Variants in PWWP2A observed in about 807,000 individuals in gnomAD.
PWWP2A encodes the protein PWWP domain-containing protein 2A.
A neutral mutation model predicts 48.5 loss-of-function variants in PWWP2A; 18 were observed. That is an observed-to-expected ratio of 0.37 (90% CI 0.26 to 0.55). The LOEUF (loss-of-function observed/expected upper bound fraction) is 0.55, where lower values mean the gene tolerates loss of function less well. Among genes scored for constraint, PWWP2A ranks in the 20% least tolerant of loss-of-function variants. The probability of loss-of-function intolerance (pLI) is 0.81; values close to 1 mark genes in which losing one functional copy is unlikely to be tolerated. For synonymous variants in PWWP2A, 396 were observed against 387.7 expected, an observed-to-expected ratio of 1.02 and a Z score of -0.25; for missense variants, 867 against 976.4, an observed-to-expected ratio of 0.89 and a Z score of 1.49.
chr5:160,095,416 A>G (rs917393665), intron 1 of PWWP2A, among the ~76,000 whole-genome samples: 17 of 152,186 alleles, frequency 1.1e-4, no homozygotes, highest in Admixed American at 2.6e-4. Flanking sequence ...TGCTATACTA[A>G]GTTTTCTTCA....
Position 160,115,137 on chromosome 5 carries a change from C to A in PWWP2A, c.584+3668G>T, listed in dbSNP as rs1381797917. Among the ~76,000 whole-genome samples, 253 of 88,392 alleles carry A rather than the reference C, an allele frequency of 2.9e-3. 3 individuals are homozygous for A. The highest frequency in any genetic ancestry group is 0.012 in the African/African-American group (206 of 17,542). 58.0% of individuals were successfully genotyped at this position (88,392 alleles called of 152,430 possible). A position where few individuals can be genotyped will look rare whatever the true frequency, so the allele number is the denominator to read the frequency against. On this transcript the variant is annotated intron_variant, in intron 1 of 1. Transcript: ENST00000307063. ...CCTGGGTAACAGAGGGAGACTCTGT[C>A]AAAAAAAAAAAAAAAAAAAAAAAAA...
intron 2 of PWWP2A, among the ~76,000 whole-genome samples, chr5:160,068,700 C>T (rs1296983919): frequency 6.6e-6 from 1 of 152,136 alleles, no homozygotes; most frequent in Non-Finnish European, 1.5e-5. Flanking sequence ...CTGAGTAGAC[C>T]ATGAGCTCAT....
chr5:160,045,107 A>T, the PWWP2A span, among the ~76,000 whole-genome samples: 5 of 152,150 alleles, frequency 3.3e-5, no homozygotes, highest in African/African-American at 7.2e-5. Context: ...TTAAATTAGG[A>T]ACAAGCTGCT....
the PWWP2A span, among the ~76,000 whole-genome samples, chr5:160,050,096 C>T: frequency 1.3e-5 from 2 of 151,956 alleles, no homozygotes; most frequent in Admixed American, 1.3e-4. Flanking sequence ...CTGCAGTGAG[C>T]TGTGACTACA....
intron 1 of PWWP2A, among the ~76,000 whole-genome samples, chr5:160,100,267 C>T (rs1478968304): frequency 6.6e-6 from 1 of 151,996 alleles, no homozygotes; most frequent in East Asian, 1.9e-4. Flanking sequence ...CGCACCACTG[C>T]ACGCACTCCA....
chr5:160,084,793 C>G (rs944998046), intron 2 of PWWP2A, among the ~76,000 whole-genome samples: 1 of 151,958 alleles, frequency 6.6e-6, no homozygotes. Context: ...ATATATACTC[C>G]TAAGTATCCA....
chr5:160,109,168 G>A (rs1370472699), intron 1 of PWWP2A, among the ~76,000 whole-genome samples: 1 of 152,054 alleles, frequency 6.6e-6, no homozygotes, highest in Non-Finnish European at 1.5e-5. Flanking sequence ...ATTTTTAGTA[G>A]AGATGGGGTT....
chr5:160,099,828 G>A (rs763782692), intron 1 of PWWP2A, among the ~76,000 whole-genome samples: 7 of 151,916 alleles, frequency 4.6e-5, no homozygotes, highest in African/African-American at 1.2e-4. Context: ...ACCACGCCCC[G>A]CTAATTTTTG....
downstream of PWWP2A, among the ~76,000 whole-genome samples, chr5:160,088,934 G>C (rs1452574762): frequency 1.3e-5 from 2 of 152,166 alleles, no homozygotes; most frequent in African/African-American, 4.8e-5. Context: ...AAATAGGAGT[G>C]TAACTCAATT....
At chr5:160,062,825 C>T (rs1484743437) in intron 5 of PWWP2A, among the ~76,000 whole-genome samples, 2 of 151,936 alleles carry the variant, frequency 1.3e-5, no homozygotes, top group Non-Finnish European at 2.9e-5. Context: ...TTTCCCCCTT[C>T]CTGTCCTCTT....
chr5:160,094,819 G>A (rs1288320665), intron 1 of PWWP2A, among the ~76,000 whole-genome samples: 1 of 151,844 alleles, frequency 6.6e-6, no homozygotes, highest in Non-Finnish European at 1.5e-5. Flanking sequence ...AGGCCGAGGT[G>A]GGCAGATCAC....
chr5:160,070,478 G>GA (rs1450620650), intron 2 of PWWP2A, among the ~76,000 whole-genome samples: 4 of 148,954 alleles, frequency 2.7e-5, no homozygotes, highest in African/African-American at 9.8e-5. Context: ...GTCTCTGAAA[G>GA]AAAAAAACAA....
chr5:160,088,674 AG>A (rs548801628), downstream of PWWP2A, among the ~76,000 whole-genome samples: 2 of 152,222 alleles, frequency 1.3e-5, no homozygotes, highest in Non-Finnish European at 2.9e-5. Flanking sequence ...TCCCTATTGG[AG>A]GCCATCACTA....
chr5:160,099,727 G>C (rs903962124), intron 1 of PWWP2A, among the ~76,000 whole-genome samples: 2 of 149,678 alleles, frequency 1.3e-5, no homozygotes, highest in African/African-American at 4.9e-5. Flanking sequence ...GCCCAGGCTA[G>C]AGCGCAGTGG....
At chr5:160,065,301 C>A in intron 4 of PWWP2A, 1 of 660,374 alleles carries the variant, frequency 1.5e-6, no homozygotes, top group Non-Finnish European at 2.7e-6. Flanking sequence ...GCTGGTGTCC[C>A]CGATTCTGGC....
intron 1 of PWWP2A, among the ~76,000 whole-genome samples, chr5:160,101,035 TA>T (rs1756225853): frequency 6.6e-6 from 1 of 152,104 alleles, no homozygotes; most frequent in Non-Finnish European, 1.5e-5. Flanking sequence ...TTATACAAAA[TA>T]ATAGTTTCAG....
intron 2 of PWWP2A, chr5:160,080,836 C>A: frequency 1.4e-6 from 2 of 1,415,570 alleles, no homozygotes; most frequent in South Asian, 1.4e-5. Flanking sequence ...TCCATTTTAC[C>A]AAAAAAATAG....
At chr5:160,051,021 A>G in the PWWP2A span, 8 of 824,392 alleles carry the variant, frequency 9.7e-6, no homozygotes, top group Non-Finnish European at 1.1e-5. Flanking sequence ...ACTTAACTTG[A>G]TCTTATTTCC....
chr5:160,083,914 A>G (rs1754426199), intron 2 of PWWP2A, among the ~76,000 whole-genome samples: 1 of 152,224 alleles, frequency 6.6e-6, no homozygotes. Flanking sequence ...CATAATCCTC[A>G]TGACCTTCGA....
Sources: allele counts gnomAD v4.1 joint callset (sites outside exome capture counted in the v4.1 genomes callset), GRCh38; gene constraint gnomAD v4.1.1; transcripts MANE v1.5; gene names NCBI Gene and HGNC (gene_info 2026-07-23, HGNC 2026-07-21).